EIF2S2: variants seen among roughly 807,000 people sequenced by gnomAD.
EIF2S2 encodes the protein eukaryotic translation initiation factor 2 subunit 2.
A neutral mutation model predicts 44.0 loss-of-function variants in EIF2S2; 4 were observed. That is an observed-to-expected ratio of 0.09 (90% CI 0.04 to 0.21). The LOEUF (loss-of-function observed/expected upper bound fraction) is 0.21. EIF2S2 is among the 10% of genes least tolerant of loss of function. EIF2S2 has a pLI of 1.00. For missense variants in EIF2S2, 154 were observed against 392.0 expected (o/e 0.39, Z 5.13); for synonymous variants, 108 against 128.3 (o/e 0.84, Z 1.07).
chr20:34,105,778 C>T (rs911104946), intron 1 of EIF2S2, among the ~76,000 whole-genome samples: 2 of 152,174 alleles, frequency 1.3e-5, no homozygotes, highest in African/African-American at 4.8e-5. Context: ...TAAAGTATCA[C>T]AGATACTTCA....
chr20:34,110,118 G>T (rs951949007), intron 1 of EIF2S2, among the ~76,000 whole-genome samples: 52 of 143,286 alleles, frequency 3.6e-4, no homozygotes, highest in African/African-American at 1.3e-3. Flanking sequence ...AAAAAAAACA[G>T]AAATATGAAT....
intron 1 of EIF2S2, among the ~76,000 whole-genome samples, chr20:34,111,670 G>A (rs2034414146): frequency 6.6e-6 from 1 of 152,238 alleles, no homozygotes; most frequent in South Asian, 2.1e-4. Flanking sequence ...TTTTAACGAG[G>A]GCGTTATACC....
At chr20:34,095,716 T>G (rs2034220725) in intron 6 of EIF2S2, among the ~76,000 whole-genome samples, 1 of 152,206 alleles carries the variant, frequency 6.6e-6, no homozygotes. Flanking sequence ...CTATTGTCAT[T>G]AGCCAAAAAA....
chr20:34,089,955 AG>A, intron 8 of EIF2S2, 50 bp from the exon 9 acceptor site: 1 of 1,599,148 alleles, frequency 6.3e-7, no homozygotes, highest in Non-Finnish European at 8.5e-7. Flanking sequence ...AGTGAGGTAG[AG>A]AAGTTTCTGC....
intron 3 of EIF2S2, among the ~76,000 whole-genome samples, chr20:34,098,944 C>G: frequency 6.6e-6 from 1 of 152,234 alleles, no homozygotes; most frequent in East Asian, 1.9e-4. Context: ...AACTGGCTCA[C>G]AGAGACTCTG....
At chr20:34,099,361 GA>G (rs535946701) in intron 3 of EIF2S2, among the ~76,000 whole-genome samples, 1,837 of 110,500 alleles carry the variant, frequency 0.017, 34 homozygotes, top group African/African-American at 0.053. Context: ...CTGTCTCAAA[GA>G]AAAAAAAAAA....
intron 8 of EIF2S2, 42 bp from the exon 9 acceptor site, chr20:34,089,947 T>G: frequency 6.2e-7 from 1 of 1,607,550 alleles, no homozygotes; most frequent in Non-Finnish European, 8.5e-7. Flanking sequence ...GTGGCTGCAG[T>G]GAGGTAGAGA....
intron 1 of EIF2S2, among the ~76,000 whole-genome samples, chr20:34,111,641 G>A (rs905039627): frequency 1.3e-5 from 2 of 152,172 alleles, no homozygotes; most frequent in East Asian, 1.9e-4. Flanking sequence ...TACCGGCCCC[G>A]ACAAGATAGC....
chr20:34,092,460 G>A (rs1256644397), intron 7 of EIF2S2, among the ~76,000 whole-genome samples: 1 of 152,194 alleles, frequency 6.6e-6, no homozygotes, highest in Non-Finnish European at 1.5e-5. Context: ...CACAAGGTCA[G>A]GAAATCGAGA....
At chr20:34,098,240 C>G (rs1322088288) in intron 4 of EIF2S2, among the ~76,000 whole-genome samples, 2 of 150,236 alleles carry the variant, frequency 1.3e-5, no homozygotes, top group Non-Finnish European at 3.0e-5. Context: ...GAGTGAGACT[C>G]CGTCTCAAAA....
intron 2 of EIF2S2, 52 bp downstream of exon 2, chr20:34,105,313 CTCA>C: frequency 1.9e-6 from 3 of 1,574,126 alleles, no homozygotes; most frequent in Non-Finnish European, 2.6e-6. Flanking sequence ...AGCCAAAACG[CTCA>C]TAGAACCAGG....
rs377556907 is a variant in EIF2S2 at position 34,093,580 on chromosome 20, T to C, written c.740+95A>G. 2.4e-3 allele frequency: 2,640 copies of C among 1,112,404 alleles called. 81 individuals carry two copies. The South Asian group carries it at 0.04, about 17-fold the overall frequency. The allele number at this position is 1,112,404 out of a possible 1,614,324, so 68.9% of individuals were successfully genotyped here. ...CCTAAAAGTTTCTCTAATAATCAGG[T>C]GAACATTTTCTCTAAGTGTGTTACA... On this transcript the variant is annotated intron_variant, in intron 7 of 8. Coordinates refer to ENST00000374980, the MANE Select transcript of EIF2S2 (RefSeq NM_003908.5).
intron 3 of EIF2S2, among the ~76,000 whole-genome samples, chr20:34,102,670 G>C (rs2034307404): frequency 6.6e-6 from 1 of 152,120 alleles, no homozygotes. Context: ...CAAGATATTT[G>C]GTGTATGTTT....
chr20:34,110,878 C>T lies in EIF2S2; in HGVS notation c.15+1218G>A, dbSNP rs570351187. Among the ~76,000 whole-genome samples the T allele has an allele frequency of 1.3e-5, 2 of 152,334 alleles. 1 individual carries two copies. The highest frequency in any genetic ancestry group is 4.1e-4 in the South Asian group (2 of 4,832). On this transcript the variant is annotated intron_variant, in intron 1 of 8. Coordinates refer to ENST00000374980, the MANE Select transcript of EIF2S2 (RefSeq NM_003908.5). ...GAGCAATGTCTATAACCGCCAAGGA[C>T]CATATACAAACTTTCAGTTTCTCTA...
chr20:34,105,368 CT>C lies in EIF2S2; in HGVS notation c.192del (p.Asp65MetfsTer6). On this transcript the variant is annotated frameshift_variant and splice_region_variant, in exon 2 of 9. Coordinates refer to ENST00000374980, the MANE Select transcript of EIF2S2 (RefSeq NM_003908.5). LOFTEE classifies it high-confidence loss of function. ...TAACTCTCTCACATCAACCACGCACCTTTTTTCCTAGTGTCCTCTTCATCAG... is the reference window on the plus strand; with the variant it reads ...TAACTCTCTCACATCAACCACGCACCTTTTTCCTAGTGTCCTCTTCATCAG... ...LEADEEDTRK[K>X]DASDDLDDLN... is the part of the protein sequence containing the mutation. 6.2e-7 allele frequency: 1 copy of C among 1,610,930 alleles called. No homozygotes were observed. The highest frequency in any genetic ancestry group is 1.3e-5 in the African/African-American group (1 of 74,682).
Position 34,109,821 on chromosome 20 carries a change from A to AAGG in EIF2S2, c.15+2272_15+2274dup, listed in dbSNP as rs200454479. 8.2e-4 allele frequency among the ~76,000 whole-genome samples: 125 copies of AAGG among 151,960 alleles called. 1 individual carries two copies. In the East Asian group the frequency reaches 0.023, roughly 28 times the overall value. On this transcript the variant is annotated intron_variant, in intron 1 of 8. Transcript: ENST00000374980. ...CAAGAAAAAAAAAAAACAAAAACAGAAGGCTGGGCATGGTGGTTCACGCCT... is the reference window on the plus strand; with the variant it reads ...CAAGAAAAAAAAAAAACAAAAACAGAAGGAGGCTGGGCATGGTGGTTCACGCCT...
rs756464671 is a variant in EIF2S2 at position 34,098,641 on chromosome 20, AGT to A, written c.298-10_298-9del. ...ACTTTCAATCTTAAGATCCTAAGAA[AGT>A]GAGATGAGTCTGAACATTTGATACT... On this transcript the variant is annotated splice_polypyrimidine_tract_variant and intron_variant, in intron 3 of 8. Coordinates refer to ENST00000374980, the MANE Select transcript of EIF2S2 (RefSeq NM_003908.5). The A allele has an allele frequency of 1.9e-5, 30 of 1,613,094 alleles. No homozygotes were observed. Among genetic ancestry groups the A allele is most frequent in the Middle Eastern group, 3.3e-4 (2 of 6,084 alleles).
intron 7 of EIF2S2, among the ~76,000 whole-genome samples, chr20:34,093,069 T>C (rs2034186457): frequency 6.6e-6 from 1 of 152,234 alleles, no homozygotes; most frequent in Admixed American, 6.5e-5. Context: ...CAATATGCAT[T>C]AGTCATCATT....
rs1360156193 is a variant in EIF2S2 at position 34,088,935 on chromosome 20, G to C, written c.*795C>G. 1 of 152,534 alleles carries C rather than the reference G, an allele frequency of 6.6e-6. No homozygotes were observed. The highest frequency in any genetic ancestry group is 2.4e-5 in the African/African-American group (1 of 41,428). The allele number at this position is 152,534 out of a possible 1,614,324, so 9.4% of individuals were successfully genotyped here. A position where few individuals can be genotyped will look rare whatever the true frequency, so the allele number is the denominator to read the frequency against. ...CCTGTTTGGACTCCTCCTCCTCTTG[G>C]AGGAGTTTCCTGAACCGCACACACA... On this transcript the variant is annotated 3_prime_UTR_variant, in exon 9 of 9. Coordinates refer to ENST00000374980, the MANE Select transcript of EIF2S2 (RefSeq NM_003908.5).
Sources: allele counts gnomAD v4.1 joint callset (sites outside exome capture counted in the v4.1 genomes callset), GRCh38; gene constraint gnomAD v4.1.1; transcripts MANE v1.5; gene names NCBI Gene and HGNC (gene_info 2026-07-23, HGNC 2026-07-21).